The following KHDC4 variants were observed in gnomAD, a reference collection of about 807,000 sequenced individuals.
KHDC4 encodes KH homology domain-containing protein 4.
A neutral mutation model predicts 74.5 loss-of-function variants in KHDC4; 19 were observed. The ratio of observed to expected loss-of-function variants is 0.26; its 90% CI spans 0.18 to 0.37. KHDC4 has a LOEUF of 0.37. Among genes scored for constraint, KHDC4 ranks in the 10% least tolerant of loss-of-function variants. The pLI, the probability that KHDC4 is intolerant of heterozygous loss-of-function variation, is 1.00. For synonymous variants in KHDC4, 253 were observed against 266.1 expected, an observed-to-expected ratio of 0.95 and a Z score of 0.48; for missense variants, 632 against 754.1, an observed-to-expected ratio of 0.84 and a Z score of 1.90.
chr1:155,923,686 G>T lies in KHDC4; in HGVS notation c.895C>A (p.His299Asn). The change falls in exon 8 of 14, where the codon CAC becomes AAC. Residue 299 changes from histidine to asparagine, a missense_variant and splice_region_variant. His to Asn is a moderately conservative substitution (Grantham distance 68, BLOSUM62 1). This residue lies in a region of KHDC4 where 233 missense variants were observed against 342.6 expected (regional missense o/e 0.68). Coordinates refer to ENST00000368321, the MANE Select transcript of KHDC4 (RefSeq NM_014949.4). ...GCAGCCAGGCCTTCTGGTTTGGGGT[G>T]ACTGCAAAGAAATAACCAGGAATTC... ...AFEPMYIYIS[H>N]PKPEGLAAAK... 1 of 1,611,452 alleles carries T rather than the reference G, an allele frequency of 6.2e-7. No individual in the cohort carries two copies. Among genetic ancestry groups the T allele is most frequent in the South Asian group, 1.1e-5 (1 of 90,880 alleles).
chr1:155,934,274 G>T, intron 1 of KHDC4, 62 bp downstream of exon 1: 1 of 1,553,038 alleles, frequency 6.4e-7, no homozygotes, highest in East Asian at 2.3e-5. Flanking sequence ...AGCTTCTCAG[G>T]GTCCCTCCGC....
At chr1:155,927,733 G>A (rs544143951) in intron 4 of KHDC4, among the ~76,000 whole-genome samples, 80 of 148,850 alleles carry the variant, frequency 5.4e-4, no homozygotes, top group African/African-American at 1.9e-3. Context: ...AACCCAGGAG[G>A]TGGAGGTTGC....
At chr1:155,931,990 G>C (rs375422082) in intron 2 of KHDC4, among the ~76,000 whole-genome samples, 62 of 152,310 alleles carry the variant, frequency 4.1e-4, no homozygotes, top group African/African-American at 1.4e-3. Flanking sequence ...TTAGCCACAT[G>C]TGTCTCTTGA....
chr1:155,923,588 A>G lies in KHDC4; in HGVS notation c.954+39T>C, dbSNP rs373431357. 37 of 1,487,650 alleles carry G rather than the reference A, an allele frequency of 2.5e-5. No individual in the cohort carries two copies. In the African/African-American group the frequency reaches 4.8e-4, roughly 19 times the overall value. The allele number at this position is 1,487,650 out of a possible 1,614,324, so 92.2% of individuals were successfully genotyped here. A position where few individuals can be genotyped will look rare whatever the true frequency, so the allele number is the denominator to read the frequency against. Reference sequence around the variant, plus strand: ...AGCTAAGACATACTCCAAAATGGCAATTGCTCTTCTGAATGAGTATCAGAC... The same window carrying G: ...AGCTAAGACATACTCCAAAATGGCAGTTGCTCTTCTGAATGAGTATCAGAC... On this transcript the variant is annotated intron_variant, in intron 8 of 13. Transcript: ENST00000368321.
At chr1:155,917,364 A>G in intron 11 of KHDC4, 135 bp downstream of exon 11, 1 of 795,084 alleles carries the variant, frequency 1.3e-6, no homozygotes, top group South Asian at 1.6e-5. Flanking sequence ...TGAATAGGAT[A>G]AAAAACCTAA....
chr1:155,928,735 A>G (rs545958454), intron 4 of KHDC4, among the ~76,000 whole-genome samples: 4 of 151,928 alleles, frequency 2.6e-5, no homozygotes, highest in South Asian at 2.1e-4. Context: ...GGTGGATCAC[A>G]AGGTCAGGAG....
chr1:155,916,517 A>T, intron 12 of KHDC4, 108 bp downstream of exon 12: 1 of 750,938 alleles, frequency 1.3e-6, no homozygotes, highest in East Asian at 2.6e-5. Flanking sequence ...TGATTCAAAG[A>T]TTTCATTTCA....
chr1:155,918,259 G>A (rs1168741674), intron 10 of KHDC4, among the ~76,000 whole-genome samples: 2 of 152,160 alleles, frequency 1.3e-5, no homozygotes, highest in African/African-American at 4.8e-5. Context: ...TTGAGACAGA[G>A]TCTCAGTCTT....
chr1:155,915,043 C>A (rs1212765224), intron 13 of KHDC4: 1 of 150,510 alleles, frequency 6.6e-6, no homozygotes, highest in Non-Finnish European at 1.5e-5. Context: ...AAACTATTTT[C>A]TCTCTCTCTC....
Position 155,914,064 on chromosome 1 carries a change from T to G in KHDC4, c.*57A>C. On this transcript the variant is annotated 3_prime_UTR_variant, in exon 14 of 14. Transcript: ENST00000368321. Reference sequence around the variant, plus strand: ...GGCCCCAGAGTCTTGTTAAATCAAATGCATGCATTATTGCTAAGAAGAGTC... The same window carrying G: ...GGCCCCAGAGTCTTGTTAAATCAAAGGCATGCATTATTGCTAAGAAGAGTC... The G allele has an allele frequency of 7.1e-7, 1 of 1,411,038 alleles. No homozygotes were observed. Among genetic ancestry groups the G allele is most frequent in the South Asian group, 1.2e-5 (1 of 86,876 alleles). 87.4% of individuals were successfully genotyped at this position (1,411,038 alleles called of 1,614,324 possible). A position where few individuals can be genotyped will look rare whatever the true frequency, so the allele number is the denominator to read the frequency against.
intron 10 of KHDC4, among the ~76,000 whole-genome samples, chr1:155,918,190 ACT>A (rs1247763810): frequency 6.6e-6 from 1 of 151,932 alleles, no homozygotes; most frequent in East Asian, 1.9e-4. Flanking sequence ...TGAAGAGAAA[ACT>A]CTATACAGCC....
chr1:155,921,956 C>A, intron 8 of KHDC4, 38 bp from the exon 9 acceptor site: 1 of 1,343,518 alleles, frequency 7.4e-7, no homozygotes, highest in Non-Finnish European at 1.1e-6. Context: ...ATGGGACAGC[C>A]GAAGCTGTGC....
chr1:155,924,509 C>T (rs1254123970), intron 7 of KHDC4, among the ~76,000 whole-genome samples: 1 of 151,188 alleles, frequency 6.6e-6, no homozygotes, highest in Non-Finnish European at 1.5e-5. Flanking sequence ...TTTGTACAGA[C>T]TTGTACAAAA....
At chr1:155,918,380 G>A (rs574944396) in intron 10 of KHDC4, among the ~76,000 whole-genome samples, 51 of 152,162 alleles carry the variant, frequency 3.4e-4, no homozygotes, top group Middle Eastern at 3.4e-3. Context: ...CTACAGGCAC[G>A]TGCCACCATG....
intron 11 of KHDC4, chr1:155,917,065 C>CA (rs1673747489): frequency 8.3e-6 from 2 of 241,996 alleles, no homozygotes; most frequent in Non-Finnish European, 1.6e-5. Flanking sequence ...AGGATTCTGG[C>CA]AAAATGGAAA....
rs576460230 is a variant in KHDC4, at chr1:155,926,015, A to C, written c.682-172T>G. ...CTCTTCAGTGAAGGCTGCTCTCTCC[A>C]ACCCTTTTTTCTAGGAGGAATGTAT... On this transcript the variant is annotated intron_variant, in intron 6 of 13. Transcript: ENST00000368321. The C allele has an allele frequency of 2.7e-4, 210 of 765,704 alleles. 2 individuals carry two copies. The South Asian group carries it at 2.8e-3, about 10-fold the overall frequency. 47.4% of individuals were successfully genotyped at this position (765,704 alleles called of 1,614,324 possible). A position where few individuals can be genotyped will look rare whatever the true frequency, so the allele number is the denominator to read the frequency against.
Position 155,929,830 on chromosome 1 carries a change from G to A in KHDC4, c.266C>T (p.Pro89Leu), listed in dbSNP as rs202039037. The change falls in exon 3 of 14, where the codon CCT (proline) becomes CTT (leucine). Residue 89 changes from proline (P) to leucine (L), a missense_variant. Physicochemically the swap from Pro to Leu is moderately conservative, Grantham distance 98 (BLOSUM62 -3). Transcript: ENST00000368321. ...TQNASEKLQAPGKGLTSNKSK... is the reference protein window; with the variant it reads ...TQNASEKLQALGKGLTSNKSK... ...TTTATTGCTAGTTAGGCCTTTGCCA[G>A]GAGCCTGAAGCTAGAAAAAAGAGAA... 7.4e-5 allele frequency: 117 copies of A among 1,581,306 alleles called. No homozygotes were observed. Among genetic ancestry groups the A allele is most frequent in the Non-Finnish European group, 9.5e-5 (111 of 1,166,028 alleles).
intron 10 of KHDC4, among the ~76,000 whole-genome samples, chr1:155,918,318 A>C (rs1198320142): frequency 6.6e-6 from 1 of 152,050 alleles, no homozygotes; most frequent in Non-Finnish European, 1.5e-5. Flanking sequence ...GGCTCACTAC[A>C]ACCTCTGCCT....
intron 8 of KHDC4, among the ~76,000 whole-genome samples, chr1:155,922,719 T>A (rs1673893558): frequency 6.6e-6 from 1 of 152,090 alleles, no homozygotes; most frequent in Admixed American, 6.6e-5. Flanking sequence ...TATTATTAAG[T>A]CCATAACCTC....
Sources: gnomAD v4.1 joint callset for allele counts (sites outside exome capture counted in the v4.1 genomes callset) on GRCh38, gnomAD v4.1.1 for gene constraint, gnomAD v4.1.1 regional missense constraint, MANE v1.5 for transcripts, NCBI Gene and HGNC (gene_info 2026-07-23, HGNC 2026-07-21) for gene names.